The following LRCH2 variants were observed in gnomAD, a reference collection of about 807,000 sequenced individuals.
LRCH2 encodes leucine-rich repeat and calponin homology domain-containing protein 2.
Under a neutral mutation model 68.9 loss-of-function variants are expected in LRCH2, and 38 were observed. That is an observed-to-expected ratio of 0.55 (90% CI 0.43 to 0.72). The LOEUF is 0.72. Among genes scored for constraint, LRCH2 ranks in the 30% least tolerant of loss-of-function variants. LRCH2 has a pLI of 0.00. For synonymous variants in LRCH2, 191 were observed against 208.1 expected, an observed-to-expected ratio of 0.92 and a Z score of 0.71; for missense variants, 528 against 572.9, an observed-to-expected ratio of 0.92 and a Z score of 0.80.
At chrX:115,116,638 C>T in intron 20 of LRCH2, among the ~76,000 whole-genome samples, 1 of 111,071 alleles carries the variant, frequency 9.0e-6, no homozygotes, top group East Asian at 2.8e-4. Context: ...TAATTGTACA[C>T]TTTAAATCAG....
At chrX:115,186,398 C>T (rs2072731878) in intron 2 of LRCH2, among the ~76,000 whole-genome samples, 1 of 110,711 alleles carries the variant, frequency 9.0e-6, no homozygotes, top group African/African-American at 3.3e-5. Context: ...TCATCTTTCA[C>T]CAGAATCTGG....
chrX:115,230,485 A>T (rs1556578123), intron 1 of LRCH2, among the ~76,000 whole-genome samples: 1 of 111,317 alleles, frequency 9.0e-6, no homozygotes, highest in Non-Finnish European at 1.9e-5. Flanking sequence ...GAGAAAGGAG[A>T]AAAGTGTGAT....
chrX:115,211,761 A>AC (rs1252373840), intron 1 of LRCH2, among the ~76,000 whole-genome samples: 18 of 108,826 alleles, frequency 1.7e-4, no homozygotes, highest in African/African-American at 4.3e-4. Context: ...ACATCCACAC[A>AC]CCCCCCCAAG....
At chrX:115,190,961 G>A (rs782111683) in intron 1 of LRCH2, 4 of 1,158,825 alleles carry the variant, frequency 3.5e-6, no homozygotes, top group Non-Finnish European at 4.6e-6. Context: ...TACGGAGTAG[G>A]AGGCCACTAT....
chrX:115,230,721 T>G (rs2073147637), intron 1 of LRCH2, among the ~76,000 whole-genome samples: 1 of 111,943 alleles, frequency 8.9e-6, no homozygotes, highest in African/African-American at 3.2e-5. Flanking sequence ...TAGTTCCTAG[T>G]TTTGGTTTTG....
At chrX:115,140,362 C>T (rs1356143940) in intron 14 of LRCH2, among the ~76,000 whole-genome samples, 3 of 109,476 alleles carry the variant, frequency 2.7e-5, no homozygotes, top group Non-Finnish European at 5.7e-5. Flanking sequence ...AGCAGAAATA[C>T]CCAGGTAGTA....
At chrX:115,182,812 G>A (rs189041992) in intron 3 of LRCH2, among the ~76,000 whole-genome samples, 2,466 of 87,826 alleles carry the variant, frequency 0.028, 44 homozygotes, top group Non-Finnish European at 0.043. Context: ...CACCCTGGGC[G>A]ACAGAGTGAA....
At chrX:115,194,665 A>G (rs1381399627) in intron 1 of LRCH2, among the ~76,000 whole-genome samples, 1 of 111,985 alleles carries the variant, frequency 8.9e-6, no homozygotes, top group Non-Finnish European at 1.9e-5. Context: ...AATTTGAAAT[A>G]TATTTTGAAA....
intron 1 of LRCH2, among the ~76,000 whole-genome samples, chrX:115,232,216 T>A (rs2073157069): frequency 1.0e-5 from 1 of 96,434 alleles, no homozygotes; most frequent in African/African-American, 3.9e-5. Flanking sequence ...GTCCTGCAGG[T>A]AGAAGGATCC....
In LRCH2 at chrX:115,170,345, G is replaced by A; in HGVS notation, c.952C>T (p.Leu318Phe). Residue 318 changes from leucine (L) to phenylalanine (F), a missense_variant, in exon 6 of 21, where the codon CTT becomes TTT. Transcript: ENST00000317135. ...RMDKKPDSLD[L>F]PSLSKRMPSQ... ...GGCATTCGTTTACTCAATGATGGAA[G>A]ATCCAGGGAATCTGGTTTCTTATCC... is the stretch of plus-strand genomic sequence containing the variant. 4 of 1,180,531 alleles carry A rather than the reference G, an allele frequency of 3.4e-6. No individual in the cohort carries two copies. Among genetic ancestry groups the A allele is most frequent in the Non-Finnish European group, 4.5e-6 (4 of 879,479 alleles).
chrX:115,177,592 C>G (rs1335355084), intron 5 of LRCH2, among the ~76,000 whole-genome samples: 1 of 111,807 alleles, frequency 8.9e-6, no homozygotes, highest in African/African-American at 3.3e-5. Context: ...CCCTTTATAG[C>G]TTCACTGTCC....
At chrX:115,220,369 T>G (rs1556573075) in intron 1 of LRCH2, among the ~76,000 whole-genome samples, 1 of 112,258 alleles carries the variant, frequency 8.9e-6, no homozygotes, top group African/African-American at 3.2e-5. Flanking sequence ...AATATTATAT[T>G]GATAAATGTG....
rs150703297 is a variant in LRCH2 at position 115,197,133 on chromosome X, A to T, written c.350-8763T>A. 3.0e-3 allele frequency among the ~76,000 whole-genome samples: 337 copies of T among 112,033 alleles called. 1 individual carries two copies. Among genetic ancestry groups the T allele is most frequent in the African/African-American group, 0.011 (330 of 30,838 alleles). On this transcript the variant is annotated intron_variant, in intron 1 of 20. Transcript: ENST00000317135. ...AACGAACATCATTGTCATATCTTCA[A>T]GAAAAAAGTCCCCCATCCACGTGAA...
At chrX:115,179,814 T>C (rs896348446) in intron 3 of LRCH2, 63 bp from the exon 4 acceptor site, 6 of 444,422 alleles carry the variant, frequency 1.4e-5, no homozygotes, top group Non-Finnish European at 1.9e-5. Flanking sequence ...ATTATATATA[T>C]ATATTCTAAT....
chrX:115,190,348 C>T, intron 1 of LRCH2: 1 of 1,161,021 alleles, frequency 8.6e-7, no homozygotes, highest in Non-Finnish European at 1.2e-6. Flanking sequence ...CTACCGAGAG[C>T]CCCTCAAGAG....
intron 16 of LRCH2, among the ~76,000 whole-genome samples, chrX:115,126,012 T>A (rs2072197647): frequency 9.0e-6 from 1 of 110,499 alleles, no homozygotes; most frequent in African/African-American, 3.3e-5. Flanking sequence ...CAACACCACC[T>A]ACATATAATG....
At chrX:115,185,692 A>C (rs2072726397) in intron 2 of LRCH2, among the ~76,000 whole-genome samples, 1 of 111,695 alleles carries the variant, frequency 9.0e-6, no homozygotes, top group Admixed American at 9.6e-5. Flanking sequence ...GACTGGCTTT[A>C]ATAACACGGC....
chrX:115,205,015 AG>A (rs781791155), intron 1 of LRCH2, among the ~76,000 whole-genome samples: 11 of 111,953 alleles, frequency 9.8e-5, no homozygotes, highest in Non-Finnish European at 2.1e-4. Context: ...TATAAAGAAA[AG>A]AGGTTTAATT....
At chrX:115,171,610 T>C (rs1362551259) in intron 5 of LRCH2, among the ~76,000 whole-genome samples, 1 of 111,282 alleles carries the variant, frequency 9.0e-6, no homozygotes, top group Non-Finnish European at 1.9e-5. Flanking sequence ...ACACAGTTTT[T>C]AAATTTAAAA....
Sources: gnomAD v4.1 joint callset for allele counts (sites outside exome capture counted in the v4.1 genomes callset) on GRCh38, gnomAD v4.1.1 for gene constraint, MANE v1.5 for transcripts, NCBI Gene and HGNC (gene_info 2026-07-23, HGNC 2026-07-21) for gene names.